The following NOVA1 variants were observed in gnomAD, a reference collection of about 807,000 sequenced individuals.
NOVA1 encodes the protein RNA-binding protein Nova-1.
A neutral mutation model predicts 38.0 loss-of-function variants in NOVA1; 7 were observed. The ratio of observed to expected loss-of-function variants is 0.18; its 90% CI spans 0.10 to 0.35. The LOEUF is 0.35. Among genes scored for constraint, NOVA1 ranks in the 10% least tolerant of loss-of-function variants. The probability of loss-of-function intolerance (pLI) is 1.00; values close to 1 mark genes in which losing one functional copy is unlikely to be tolerated. For synonymous variants in NOVA1, 270 were observed against 232.5 expected, an observed-to-expected ratio of 1.16 and a Z score of -1.47; for missense variants, 460 against 616.0, an observed-to-expected ratio of 0.75 and a Z score of 2.68.
intron 3 of NOVA1, among the ~76,000 whole-genome samples, chr14:26,473,246 A>G (rs888025549): frequency 3.3e-5 from 5 of 151,864 alleles, no homozygotes; most frequent in African/African-American, 1.2e-4. Flanking sequence ...ATGTTGAACA[A>G]TTCATTAAGA....
intron 2 of NOVA1, among the ~76,000 whole-genome samples, chr14:26,511,424 A>G (rs1418913524): frequency 1.3e-5 from 2 of 152,178 alleles, no homozygotes; most frequent in African/African-American, 2.4e-5. Flanking sequence ...AACACTCCTT[A>G]GATTTTAGTT....
intron 3 of NOVA1, among the ~76,000 whole-genome samples, chr14:26,476,296 A>G (rs1466347345): frequency 1.3e-5 from 2 of 152,192 alleles, no homozygotes; most frequent in Non-Finnish European, 2.9e-5. Context: ...AATGCAAGAG[A>G]GAACAAACAG....
rs1428403052 is a variant in NOVA1 at position 26,444,865 on chromosome 14, A to C, written c.*3094T>G. On this transcript the variant is annotated 3_prime_UTR_variant, in exon 5 of 5. Transcript: ENST00000539517. The stretch of plus-strand genomic sequence containing the variant: ...AAAACAAACAAACAAACAAACAAAA[A>C]AAAAACAAAAAAACTGCAATGCAAC... 1 of 151,900 alleles carries C rather than the reference A, an allele frequency of 6.6e-6. No homozygotes were observed. The highest frequency in any genetic ancestry group is 1.9e-4 in the East Asian group (1 of 5,182). The allele number at this position is 151,900 out of a possible 1,614,324, so 9.4% of individuals were successfully genotyped here.
intron 2 of NOVA1, among the ~76,000 whole-genome samples, chr14:26,575,434 A>C (rs1892781001): frequency 1.3e-5 from 2 of 152,220 alleles, no homozygotes; most frequent in Admixed American, 1.3e-4. Context: ...GGATGATTTA[A>C]GAAATAACTA....
At chr14:26,539,832 G>C (rs1405182384) in intron 2 of NOVA1, among the ~76,000 whole-genome samples, 2 of 151,604 alleles carry the variant, frequency 1.3e-5, no homozygotes, top group Non-Finnish European at 2.9e-5. Context: ...TCAGAAACTA[G>C]TGATTATCTT....
intron 2 of NOVA1, among the ~76,000 whole-genome samples, chr14:26,578,993 A>AT (rs1893037037): frequency 6.6e-6 from 1 of 151,366 alleles, no homozygotes; most frequent in Non-Finnish European, 1.5e-5. Context: ...CTGGAATTAA[A>AT]TGGTCTTTAA....
chr14:26,579,261 T>C (rs958824445), intron 2 of NOVA1, among the ~76,000 whole-genome samples: 3 of 152,084 alleles, frequency 2.0e-5, no homozygotes, highest in Admixed American at 2.0e-4. Context: ...TTTCACCGTG[T>C]TGGCCAGGAT....
chr14:26,595,298 A>G, intron 2 of NOVA1, 112 bp downstream of exon 2: 8 of 1,041,368 alleles, frequency 7.7e-6, no homozygotes, highest in Non-Finnish European at 1.1e-5. Context: ...AGCAATATCT[A>G]AATAAAGTCT....
At chr14:26,451,929 G>T (rs1882717099) in intron 4 of NOVA1, among the ~76,000 whole-genome samples, 1 of 152,018 alleles carries the variant, frequency 6.6e-6, no homozygotes, top group Non-Finnish European at 1.5e-5. Context: ...TTGTTGGCAA[G>T]ATTAAAAAAC....
chr14:26,563,451 T>A (rs1891947265), intron 2 of NOVA1, among the ~76,000 whole-genome samples: 1 of 151,628 alleles, frequency 6.6e-6, no homozygotes, highest in African/African-American at 2.4e-5. Context: ...AGTCCCTGAA[T>A]AACTACAATT....
At position 26,446,146 on chromosome 14, in the gene NOVA1, A is replaced by G. The variant is rs1376943123; in HGVS notation, c.*1813T>C. 8.0e-6 allele frequency: 1 copy of G among 124,568 alleles called. No individual in the cohort carries two copies. The highest frequency in any genetic ancestry group is 1.9e-5 in the Non-Finnish European group (1 of 53,776). The allele number at this position is 124,568 out of a possible 1,614,324, so 7.7% of individuals were successfully genotyped here. ...GAACTCTAAATGAAATAACAGTCCA[A>G]TGTTAAAAACTAAAAAAAAAAAAAT... On this transcript the variant is annotated 3_prime_UTR_variant, in exon 5 of 5. Transcript: ENST00000539517.
At chr14:26,548,290 C>A (rs1669012978) in intron 2 of NOVA1, among the ~76,000 whole-genome samples, 1 of 152,028 alleles carries the variant, frequency 6.6e-6, no homozygotes, top group African/African-American at 2.4e-5. Context: ...CCTAGAAAAT[C>A]ATTTCTTCTA....
At chr14:26,530,110 G>A (rs995545296) in intron 2 of NOVA1, among the ~76,000 whole-genome samples, 3 of 152,196 alleles carry the variant, frequency 2.0e-5, no homozygotes, top group East Asian at 1.9e-4. Context: ...TAGCAGAGAC[G>A]GGGTTTCACA....
chr14:26,457,991 C>G (rs1294495032), intron 4 of NOVA1, among the ~76,000 whole-genome samples: 1 of 151,936 alleles, frequency 6.6e-6, no homozygotes, highest in Non-Finnish European at 1.5e-5. Flanking sequence ...AAAAAAGCAA[C>G]AAACAACCCC....
At chr14:26,507,025 C>T (rs1887686995) in intron 2 of NOVA1, among the ~76,000 whole-genome samples, 3 of 151,994 alleles carry the variant, frequency 2.0e-5, no homozygotes, top group South Asian at 2.1e-4. Context: ...AAATCCAAAC[C>T]ATATTATTTT....
chr14:26,595,105 A>G (rs541783943), intron 2 of NOVA1, among the ~76,000 whole-genome samples: 6 of 152,260 alleles, frequency 3.9e-5, no homozygotes, highest in African/African-American at 1.4e-4. Context: ...CTATTTCCTG[A>G]TGCCAGCTGT....
intron 2 of NOVA1, among the ~76,000 whole-genome samples, chr14:26,529,553 C>T (rs1363291867): frequency 6.6e-6 from 1 of 152,112 alleles, no homozygotes; most frequent in Admixed American, 6.5e-5. Context: ...TACTTATAGG[C>T]CACACAGTGA....
chr14:26,481,207 G>A (rs979756131), intron 2 of NOVA1, among the ~76,000 whole-genome samples: 1 of 151,848 alleles, frequency 6.6e-6, no homozygotes, highest in Non-Finnish European at 1.5e-5. Context: ...TCCAAAAAAT[G>A]GGATTTTAAA....
chr14:26,507,918 G>C (rs1278129460), intron 2 of NOVA1, among the ~76,000 whole-genome samples: 1 of 151,294 alleles, frequency 6.6e-6, no homozygotes, highest in African/African-American at 2.4e-5. Flanking sequence ...AAAAAAACAG[G>C]CTGCTGAAAA....
Sources: allele counts gnomAD v4.1 joint callset (sites outside exome capture counted in the v4.1 genomes callset), GRCh38; gene constraint gnomAD v4.1.1; transcripts MANE v1.5; gene names NCBI Gene and HGNC (gene_info 2026-07-23, HGNC 2026-07-21).